Variants in NIPAL3 observed in about 807,000 individuals in gnomAD.
NIPAL3 encodes the protein NIPA like domain containing 3, also known as NIPA-like protein 3.
NIPAL3 carries 41 observed loss-of-function variants against 47.2 expected under a neutral mutation model. The observed-to-expected ratio is 0.87, with a 90% CI of 0.68 to 1.13. The LOEUF (loss-of-function observed/expected upper bound fraction) is 1.13. Ranked by LOEUF, NIPAL3 falls within the 50% of genes most tolerant of loss-of-function variation. The pLI is 0.00. For missense variants in NIPAL3, 449 were observed against 530.1 expected (o/e 0.85, Z 1.50); for synonymous variants, 194 against 209.6 (o/e 0.93, Z 0.64).
At chr1:24,421,219 A>C (rs1003349622) in intron 2 of NIPAL3, among the ~76,000 whole-genome samples, 4 of 152,016 alleles carry the variant, frequency 2.6e-5, no homozygotes, top group Non-Finnish European at 1.5e-5. Flanking sequence ...ACAAAAAATT[A>C]GCCAGGTGTG....
At chr1:24,466,008 A>G (rs1294611722) in intron 11 of NIPAL3, 2 of 1,610,962 alleles carry the variant, frequency 1.2e-6, no homozygotes, top group Non-Finnish European at 1.7e-6. Context: ...ACCTAGATTC[A>G]TATCTTCACA....
rs948994411 is a variant in NIPAL3 at position 24,451,132 on chromosome 1, C to T, written c.540+1506C>T. Among the ~76,000 whole-genome samples, 1 of 152,188 alleles carries T rather than the reference C, an allele frequency of 6.6e-6. No homozygotes were observed. Among genetic ancestry groups the T allele is most frequent in the South Asian group, 2.1e-4 (1 of 4,836 alleles). ...TGCTATTGGGAGATCCAGGAAGTAG[C>T]ATTTAAGTCACCCAGAAGGTGGTAG... On this transcript the variant is annotated intron_variant, in intron 6 of 11. Transcript: ENST00000374399. This position sits in a 1 kb window ranked among gnomAD's most constrained non-coding sequence, Gnocchi z 4.5.
intron 2 of NIPAL3, among the ~76,000 whole-genome samples, chr1:24,431,641 T>C (rs1644882563): frequency 6.6e-6 from 1 of 152,190 alleles, no homozygotes. Flanking sequence ...TCCAATGTCT[T>C]GGAATAGGGC....
Position 24,460,511 on chromosome 1 carries a change from A to C in NIPAL3, c.893A>C (p.Glu298Ala). The part of the protein sequence containing the change: ...GAIFYLDFIG[E>A]DVLHICMFAL... The stretch of plus-strand genomic sequence containing the variant: ...ATATTTTACCTGGACTTCATCGGGG[A>C]GGACGTGCTGCACATCTGCATGTTT... Residue 298 changes from glutamate to alanine, a missense_variant, in exon 10 of 12, where the codon GAG becomes GCG. Glu to Ala is a moderately radical substitution (Grantham distance 107, BLOSUM62 -1). Coordinates refer to ENST00000374399, the MANE Select transcript of NIPAL3 (RefSeq NM_020448.5). The C allele has an allele frequency of 6.3e-7, 1 of 1,586,042 alleles. No individual in the cohort carries two copies. The highest frequency in any genetic ancestry group is 8.6e-7 in the Non-Finnish European group (1 of 1,169,190).
intron 1 of NIPAL3, among the ~76,000 whole-genome samples, chr1:24,418,117 G>A (rs1458325905): frequency 6.6e-6 from 1 of 152,172 alleles, no homozygotes; most frequent in Non-Finnish European, 1.5e-5. Context: ...CACAGCTGGA[G>A]AAACTGGCTG....
rs1490140341 is a variant in NIPAL3, at chr1:24,416,294, C to T, written c.-258+390C>T. On this transcript the variant is annotated intron_variant, in intron 1 of 11. Transcript: ENST00000374399. The surrounding 1 kb of genome is among the most constrained non-coding windows in gnomAD (Gnocchi z 4.8). ...TTCTGGAACAGAGGTGCTGTCTCCT[C>T]GAGTTGTAAGTTTCCAGCTCAGTGG... 1 of 985,250 alleles carries T rather than the reference C, an allele frequency of 1.0e-6. No individual in the cohort carries two copies. The highest frequency in any genetic ancestry group is 1.7e-5 in the African/African-American group (1 of 57,188). The allele number at this position is 985,250 out of a possible 1,614,324, so 61.0% of individuals were successfully genotyped here.
chr1:24,467,341 G>A (rs1646740937), intron 11 of NIPAL3, among the ~76,000 whole-genome samples: 3 of 152,076 alleles, frequency 2.0e-5, no homozygotes, highest in African/African-American at 7.2e-5. Flanking sequence ...GTGGTGGCGG[G>A]TGCCTGTAGT....
Position 24,456,191 on chromosome 1 carries a change from A to G in NIPAL3, c.691A>G (p.Ile231Val), listed in dbSNP as rs151040412. Residue 231 changes from isoleucine to valine, a missense_variant, in exon 8 of 12, where the codon ATT (isoleucine) becomes GTT (valine). Ile to Val is a conservative substitution (Grantham distance 29). Transcript: ENST00000374399. Reference protein sequence around the residue: ...KAVAGMLVLSIQGNLQLDYPI... With the variant: ...KAVAGMLVLSVQGNLQLDYPI... ...CGTGGCTGGGATGCTTGTCTTGTCC[A>G]TTCAAGGGAACCTGCAGCTTGACTA... 244 of 1,614,084 alleles carry G rather than the reference A, an allele frequency of 1.5e-4. 1 individual carries two copies. The highest frequency in any genetic ancestry group is 2.0e-4 in the Non-Finnish European group (236 of 1,180,038).
chr1:24,419,537 A>C lies in NIPAL3; in HGVS notation c.-11A>C. ...TAGGCCAGGCCCTGTGGGATGCGCC[A>C]CTAGACCACCATGGACGGATCCCAC... is the stretch of plus-strand genomic sequence containing the variant. On this transcript the variant is annotated 5_prime_UTR_variant, in exon 2 of 12. Coordinates refer to ENST00000374399, the MANE Select transcript of NIPAL3 (RefSeq NM_020448.5). The C allele has an allele frequency of 6.2e-7, 1 of 1,609,982 alleles. No homozygotes were observed. Among genetic ancestry groups the C allele is most frequent in the Non-Finnish European group, 8.5e-7 (1 of 1,178,290 alleles).
rs1646584622 is a variant in NIPAL3, at chr1:24,463,893, C to A, written c.927-133C>A. On this transcript the variant is annotated intron_variant, in intron 10 of 11. Transcript: ENST00000374399. ...CTGAGAGGCTGGCAGCCTCTCAGGG[C>A]TCCTTGGGCGGTGAGCCCTCCTCCG... 6.5e-6 allele frequency: 4 copies of A among 617,556 alleles called. No individual in the cohort carries two copies. In the Admixed American group the frequency reaches 1.3e-4, roughly 19 times the overall value. 38.3% of individuals were successfully genotyped at this position (617,556 alleles called of 1,614,324 possible).
At chr1:24,430,205 G>T (rs1170732213) in intron 2 of NIPAL3, among the ~76,000 whole-genome samples, 2 of 151,850 alleles carry the variant, frequency 1.3e-5, no homozygotes, top group Non-Finnish European at 2.9e-5. Flanking sequence ...TGGAATGGAA[G>T]GACTGTTGGT....
intron 10 of NIPAL3, among the ~76,000 whole-genome samples, chr1:24,463,321 G>T (rs1646560382): frequency 6.6e-6 from 1 of 152,168 alleles, no homozygotes; most frequent in Non-Finnish European, 1.5e-5. Context: ...TTCATCCATG[G>T]TGAGAGAAGT....
intron 2 of NIPAL3, among the ~76,000 whole-genome samples, chr1:24,439,248 G>A (rs1018094635): frequency 4.6e-5 from 7 of 152,162 alleles, no homozygotes; most frequent in African/African-American, 1.4e-4. Context: ...TAATAGCAAA[G>A]CAATGATATA....
chr1:24,422,635 G>T (rs952829438), intron 2 of NIPAL3, among the ~76,000 whole-genome samples: 1 of 152,136 alleles, frequency 6.6e-6, no homozygotes, highest in Non-Finnish European at 1.5e-5. Context: ...AATCAGCCAG[G>T]TGTGGGAATT....
At chr1:24,458,488 C>G (rs1646324390) in intron 8 of NIPAL3, among the ~76,000 whole-genome samples, 1 of 151,646 alleles carries the variant, frequency 6.6e-6, no homozygotes, top group South Asian at 2.1e-4. Flanking sequence ...AATTATGACA[C>G]TAGGCAGAAC....
At position 24,453,388 on chromosome 1, in the gene NIPAL3, CT is replaced by C. The variant is rs766119116; in HGVS notation, c.541-19del. 2.5e-6 allele frequency: 4 copies of C among 1,604,646 alleles called. No homozygotes were observed. The highest frequency in any genetic ancestry group is 1.7e-4 in the Middle Eastern group (1 of 6,038). On this transcript the variant is annotated intron_variant, in intron 6 of 11. Coordinates refer to ENST00000374399, the MANE Select transcript of NIPAL3 (RefSeq NM_020448.5). The stretch of plus-strand genomic sequence containing the variant: ...ACTTCTGTGGTCCCCACTGACCCCC[CT>C]GCTTGCTGCCTTCCACAGCTGGTGG...
At chr1:24,432,723 G>T (rs116221420) in intron 2 of NIPAL3, among the ~76,000 whole-genome samples, 2,617 of 152,338 alleles carry the variant, frequency 0.017, 35 homozygotes, top group South Asian at 0.046. Context: ...TTAAAAGGTT[G>T]TTATGAGGAT....
rs1179395546 is a variant in NIPAL3, at chr1:24,442,173, A to T, written c.281A>T (p.Tyr94Phe). The part of the protein sequence containing the change: ...LLGELGVFAS[Y>F]AFAPLSLIVP... Reference sequence around the variant, plus strand: ...GGCGAGCTGGGTGTGTTCGCCTCCTACGCCTTCGCGCCGCTGTCACTCATC... The same window carrying T: ...GGCGAGCTGGGTGTGTTCGCCTCCTTCGCCTTCGCGCCGCTGTCACTCATC... Residue 94 changes from tyrosine to phenylalanine, a missense_variant, in exon 4 of 12, where the codon TAC becomes TTC. Tyr to Phe is a conservative substitution (Grantham distance 22). Transcript: ENST00000374399. 1 of 1,614,080 alleles carries T rather than the reference A, an allele frequency of 6.2e-7. No individual in the cohort carries two copies. The highest frequency in any genetic ancestry group is 2.2e-5 in the East Asian group (1 of 44,880).
In NIPAL3 at chr1:24,419,613, C is replaced by A; in HGVS notation, c.66C>A (p.Ala22=). The part of the protein sequence containing the change: ...QQLPPTSSSS[A]VSEASFSYKE... ...TGCCTCCCACAAGTAGCTCCAGCGCCGTAAGCGAGGCCTCCTTCTCCTACA... is the reference window on the plus strand; with the variant it reads ...TGCCTCCCACAAGTAGCTCCAGCGCAGTAAGCGAGGCCTCCTTCTCCTACA... Residue 22 remains alanine, a synonymous_variant, in exon 2 of 12, where the codon GCC becomes GCA. Transcript: ENST00000374399. 1 of 1,614,076 alleles carries A rather than the reference C, an allele frequency of 6.2e-7. No homozygotes were observed. The highest frequency in any genetic ancestry group is 1.1e-5 in the South Asian group (1 of 91,038).
Sources: allele counts gnomAD v4.1 joint callset (sites outside exome capture counted in the v4.1 genomes callset), GRCh38; gene constraint gnomAD v4.1.1; non-coding constraint Gnocchi (gnomAD v3.1); transcripts MANE v1.5; gene names NCBI Gene and HGNC (gene_info 2026-07-23, HGNC 2026-07-21).